STX11: variants seen among roughly 807,000 people sequenced by gnomAD.
STX11 encodes the protein syntaxin-11.
In STX11, 21 loss-of-function variants were observed where a neutral mutation model predicts 19.9. The observed-to-expected ratio is 1.06, with a 90% CI of 0.75 to 1.52. The LOEUF (loss-of-function observed/expected upper bound fraction) is 1.52, where lower values mean the gene tolerates loss of function less well. Ranked by LOEUF, STX11 falls within the 40% of genes most tolerant of loss-of-function variation. The pLI, the probability that STX11 is intolerant of heterozygous loss-of-function variation, is 0.00. For synonymous variants in STX11, 193 were observed against 174.4 expected, an observed-to-expected ratio of 1.11 and a Z score of -0.84; for missense variants, 438 against 405.9, an observed-to-expected ratio of 1.08 and a Z score of -0.68.
chr6:144,189,484 G>C lies in STX11; in HGVS notation c.*1993G>C, dbSNP rs957528990. Among the ~76,000 whole-genome samples the C allele has an allele frequency of 1.3e-5, 2 of 152,222 alleles. No homozygotes were observed. Among genetic ancestry groups the C allele is most frequent in the African/African-American group, 4.8e-5 (2 of 41,452 alleles). ...CATGAGGCTTTAGAGATATGGTGTA[G>C]TCTGCAAACTTCTTAATGCCCTTAC... On this transcript the variant is annotated 3_prime_UTR_variant, in exon 2 of 2. Coordinates refer to ENST00000367568, the MANE Select transcript of STX11 (RefSeq NM_003764.4).
intron 1 of STX11, among the ~76,000 whole-genome samples, chr6:144,178,083 C>A (rs532960520): frequency 1.2e-4 from 18 of 152,132 alleles, no homozygotes; most frequent in African/African-American, 4.3e-4. Flanking sequence ...TTAGGGAATA[C>A]GTTTCCTATT....
In STX11 at chr6:144,187,498, G is replaced by A; in HGVS notation, c.*7G>A. 1 of 1,611,600 alleles carries A rather than the reference G, an allele frequency of 6.2e-7. No individual in the cohort carries two copies. Among genetic ancestry groups the A allele is most frequent in the Non-Finnish European group, 8.5e-7 (1 of 1,179,878 alleles). On this transcript the variant is annotated 3_prime_UTR_variant, in exon 2 of 2. Transcript: ENST00000367568. This position sits in a 1 kb window ranked among gnomAD's most constrained non-coding sequence, Gnocchi z 5.6. ...CTGTCCCTGCCTCAAGTAGCAGGCC[G>A]GCCCGGGCCGCCACCGCCCATCCCA...
rs532359882 is a variant in STX11, at chr6:144,189,583, G to T, written c.*2092G>T. Among the ~76,000 whole-genome samples, 2 of 152,186 alleles carry T rather than the reference G, an allele frequency of 1.3e-5. No individual in the cohort carries two copies. Among genetic ancestry groups the T allele is most frequent in the Non-Finnish European group, 2.9e-5 (2 of 68,044 alleles). On this transcript the variant is annotated 3_prime_UTR_variant, in exon 2 of 2. Coordinates refer to ENST00000367568, the MANE Select transcript of STX11 (RefSeq NM_003764.4). ...TTCCTAATCATTATTTAATACATGA[G>T]TGAGTTTAGTAGTGATCATATTTCT...
At position 144,151,985 on chromosome 6, in the gene STX11, A is replaced by G. The variant is rs1046552359; in HGVS notation, c.-6+1282A>G. ...GCTGAGTTGAGCTGAATTCAGCCTC[A>G]AACAACAGTTACCAGGTACCTTCTC... On this transcript the variant is annotated intron_variant, in intron 1 of 1. Transcript: ENST00000367568. This position sits in a 1 kb window ranked among gnomAD's most constrained non-coding sequence, Gnocchi z 4.6. Among the ~76,000 whole-genome samples the G allele has an allele frequency of 6.6e-6, 1 of 152,188 alleles. No individual in the cohort carries two copies. The highest frequency in any genetic ancestry group is 1.5e-5 in the Non-Finnish European group (1 of 68,030).
the STX11 span, among the ~76,000 whole-genome samples, chr6:144,140,034 T>C: frequency 6.6e-6 from 1 of 151,142 alleles, no homozygotes; most frequent in East Asian, 1.9e-4. Flanking sequence ...TCCTCACACC[T>C]GGGGCACACA....
At chr6:144,186,378 C>T (rs533262950) in intron 1 of STX11, among the ~76,000 whole-genome samples, 6 of 151,880 alleles carry the variant, frequency 4.0e-5, no homozygotes, top group Admixed American at 6.6e-5. Flanking sequence ...GAGTTCTGCG[C>T]GGCTATGATA....
At chr6:144,150,365 G>A (rs376183372), upstream of STX11, among the ~76,000 whole-genome samples, 6 of 152,296 alleles carry the variant, frequency 3.9e-5, no homozygotes, top group East Asian at 1.2e-3. Flanking sequence ...CCCCGGCTCC[G>A]GGCGGTCCCG....
intron 1 of STX11, among the ~76,000 whole-genome samples, chr6:144,166,039 G>GTATC (rs1801468704): frequency 6.6e-6 from 1 of 152,212 alleles, no homozygotes; most frequent in East Asian, 1.9e-4. Context: ...AGCCGTAGGA[G>GTATC]TATCTACCCT....
rs1397879141 is a variant in STX11 at position 144,190,886 on chromosome 6, C to G, written c.*3395C>G. Among the ~76,000 whole-genome samples, 2 of 152,146 alleles carry G rather than the reference C, an allele frequency of 1.3e-5. No individual in the cohort carries two copies. On this transcript the variant is annotated 3_prime_UTR_variant, in exon 2 of 2. Coordinates refer to ENST00000367568, the MANE Select transcript of STX11 (RefSeq NM_003764.4). ...GCCCTTCCTGGCTCTGACTGCCACA[C>G]CAGGCAGTGGGTGAAATGCTGGCTT...
Position 144,170,578 on chromosome 6 carries a change from G to A in STX11, c.-5-16045G>A, listed in dbSNP as rs1801602635. On this transcript the variant is annotated intron_variant, in intron 1 of 1. Coordinates refer to ENST00000367568, the MANE Select transcript of STX11 (RefSeq NM_003764.4). The surrounding 1 kb of genome is among the most constrained non-coding windows in gnomAD (Gnocchi z 4.7). Reference sequence around the variant, plus strand: ...TTCAGATTTCAGATTTTCAGATTAGGAATGCTCAATCTGTATTATTATTAT... The same window carrying A: ...TTCAGATTTCAGATTTTCAGATTAGAAATGCTCAATCTGTATTATTATTAT... 7.0e-6 allele frequency among the ~76,000 whole-genome samples: 1 copy of A among 142,978 alleles called. No individual in the cohort carries two copies. Among genetic ancestry groups the A allele is most frequent in the South Asian group, 2.2e-4 (1 of 4,626 alleles). 93.8% of individuals were successfully genotyped at this position (142,978 alleles called of 152,430 possible).
chr6:144,186,963 G>A lies in STX11; in HGVS notation c.336G>A (p.Glu112=), dbSNP rs562714690. 1.9e-6 allele frequency: 3 copies of A among 1,609,128 alleles called. No homozygotes were observed. In the East Asian group the frequency reaches 6.7e-5, roughly 36 times the overall value. Residue 112 remains glutamate, a synonymous_variant, in exon 2 of 2, where the codon GAG becomes GAA. Transcript: ENST00000367568. ...CKLRAMKELS[E]AAEAQHGPHS... ...TGCGCGCCATGAAGGAGCTGAGCGA[G>A]GCGGCTGAGGCCCAGCACGGCCCGC...
chr6:144,164,036 A>G (rs1801413979), intron 1 of STX11, among the ~76,000 whole-genome samples: 1 of 152,200 alleles, frequency 6.6e-6, no homozygotes, highest in South Asian at 2.1e-4. Flanking sequence ...GACTGGGACC[A>G]CCTATGTTTT....
In STX11 at chr6:144,150,570, G is replaced by T; in HGVS notation, c.-139G>T. 1.0e-6 allele frequency: 1 copy of T among 985,436 alleles called. No homozygotes were observed. Among genetic ancestry groups the T allele is most frequent in the Non-Finnish European group, 1.2e-6 (1 of 829,944 alleles). 61.0% of individuals were successfully genotyped at this position (985,436 alleles called of 1,614,324 possible). On this transcript the variant is annotated 5_prime_UTR_variant, in exon 1 of 2. Coordinates refer to ENST00000367568, the MANE Select transcript of STX11 (RefSeq NM_003764.4). ...GGCGGCCGTGGAGGAACTCAGCCTC[G>T]GCCGCAGGAGGCGCCGGGAGCGGAG... is the stretch of plus-strand genomic sequence containing the variant.
In STX11 at chr6:144,176,628, G is replaced by T. The variant is rs796181147; in HGVS notation, c.-5-9995G>T. On this transcript the variant is annotated intron_variant, in intron 1 of 1. Transcript: ENST00000367568. This position sits in a 1 kb window ranked among gnomAD's most constrained non-coding sequence, Gnocchi z 4.1. ...AAAGGGAGTGAGAAGACTGTCAGTG[G>T]TGAGTGGAGATAACTGAGGAAGGGT... Among the ~76,000 whole-genome samples, 11 of 152,264 alleles carry T rather than the reference G, an allele frequency of 7.2e-5. No individual in the cohort carries two copies. Among genetic ancestry groups the T allele is most frequent in the African/African-American group, 2.6e-4 (11 of 41,552 alleles).
At chr6:144,148,591 A>C (rs142037594), upstream of STX11, among the ~76,000 whole-genome samples, 8 of 152,316 alleles carry the variant, frequency 5.3e-5, no homozygotes, top group African/African-American at 1.9e-4. Context: ...CTAATTAATC[A>C]ACCTTGATTC....
Position 144,175,508 on chromosome 6 carries a change from T to C in STX11, c.-5-11115T>C, listed in dbSNP as rs1227153851. The stretch of plus-strand genomic sequence containing the variant: ...TTTCAGTAGAGATGGGGTTTCACCA[T>C]GTTGACCAGGCTGGTCTTGAACTCC... On this transcript the variant is annotated intron_variant, in intron 1 of 1. Coordinates refer to ENST00000367568, the MANE Select transcript of STX11 (RefSeq NM_003764.4). The surrounding 1 kb of genome is among the most constrained non-coding windows in gnomAD (Gnocchi z 5.1). 1.3e-5 allele frequency among the ~76,000 whole-genome samples: 2 copies of C among 152,192 alleles called. No homozygotes were observed. The highest frequency in any genetic ancestry group is 4.8e-5 in the African/African-American group (2 of 41,458).
chr6:144,144,972 GA>G, the STX11 span, among the ~76,000 whole-genome samples: 1 of 152,272 alleles, frequency 6.6e-6, no homozygotes, highest in Non-Finnish European at 1.5e-5. Flanking sequence ...TGGCTGTTGT[GA>G]AAAATGGTAA....
At chr6:144,145,379 G>T in the STX11 span, among the ~76,000 whole-genome samples, 1 of 152,164 alleles carries the variant, frequency 6.6e-6, no homozygotes, top group Non-Finnish European at 1.5e-5. Context: ...AAGTAAAATG[G>T]TGGAATCTAG....
rs766151399 is a variant in STX11 at position 144,165,759 on chromosome 6, G to A, written c.-6+15056G>A. Among the ~76,000 whole-genome samples the A allele has an allele frequency of 1.3e-5, 2 of 152,204 alleles. No individual in the cohort carries two copies. Among genetic ancestry groups the A allele is most frequent in the Admixed American group, 6.5e-5 (1 of 15,278 alleles). ...AATTAACTGATTATGGATGGTAGTA[G>A]TTCAAAATACTAACTCCTAAGACTG... On this transcript the variant is annotated intron_variant, in intron 1 of 1. Transcript: ENST00000367568. This position sits in a 1 kb window ranked among gnomAD's most constrained non-coding sequence, Gnocchi z 5.8.
Sources: gnomAD v4.1 joint callset for allele counts (sites outside exome capture counted in the v4.1 genomes callset) on GRCh38, gnomAD v4.1.1 for gene constraint, Gnocchi (gnomAD v3.1) non-coding constraint, MANE v1.5 for transcripts, NCBI Gene and HGNC (gene_info 2026-07-23, HGNC 2026-07-21) for gene names.